HSPA12A: variants seen among roughly 807,000 people sequenced by gnomAD.
The protein encoded by HSPA12A is heat shock protein family A (Hsp70) member 12A.
In HSPA12A, 28 loss-of-function variants were observed where a neutral mutation model predicts 69.2. That is an observed-to-expected ratio of 0.40 (90% CI 0.30 to 0.55). HSPA12A has a LOEUF of 0.55. Ranked by LOEUF, HSPA12A falls within the 20% of genes least tolerant of loss-of-function variation. HSPA12A has a pLI of 0.38. For missense variants in HSPA12A, 686 were observed against 900.7 expected, an observed-to-expected ratio of 0.76 and a Z score of 3.05; for synonymous variants, 345 against 370.5, an observed-to-expected ratio of 0.93 and a Z score of 0.79.
At chr10:116,850,662 T>C (rs1290731131), upstream of HSPA12A, among the ~76,000 whole-genome samples, 1 of 151,994 alleles carries the variant, frequency 6.6e-6, no homozygotes, top group Non-Finnish European at 1.5e-5. Context: ...GCAGTTGATA[T>C]AAAGGATGTT....
chr10:116,849,900 C>T (rs1467260988), upstream of HSPA12A: 2 of 807,978 alleles, frequency 2.5e-6, no homozygotes, highest in Non-Finnish European at 4.1e-6. Context: ...GCGGGAAGGA[C>T]ACCCAGGGGT....
intron 4 of HSPA12A, 39 bp downstream of exon 4, chr10:116,700,904 A>G: frequency 6.3e-7 from 1 of 1,599,680 alleles, no homozygotes; most frequent in Non-Finnish European, 8.5e-7. Context: ...TTGGCACTCC[A>G]TTGCGGGGGA....
chr10:116,733,566 C>T (rs1409709812), intron 1 of HSPA12A, among the ~76,000 whole-genome samples: 2 of 152,094 alleles, frequency 1.3e-5, no homozygotes, highest in East Asian at 1.9e-4. Flanking sequence ...CTAAGTGGGT[C>T]GATGAAACAG....
intron 2 of HSPA12A, among the ~76,000 whole-genome samples, chr10:116,814,765 C>A (rs546736494): frequency 1.3e-5 from 2 of 152,292 alleles, no homozygotes; most frequent in African/African-American, 4.8e-5. Flanking sequence ...CGGACCATTG[C>A]GAGATTGGGA....
exon 1 of HSPA12A, chr10:116,849,680 G>C: frequency 3.2e-6 from 5 of 1,549,396 alleles, no homozygotes; most frequent in Non-Finnish European, 3.5e-6. Context: ...GGCTGGAAGA[G>C]CTGCTCAACT....
chr10:116,687,136 G>T (rs374387701), intron 6 of HSPA12A, among the ~76,000 whole-genome samples: 142 of 152,296 alleles, frequency 9.3e-4, no homozygotes, highest in African/African-American at 2.5e-3. Context: ...CACTGAGGCT[G>T]CCCCAAGTCT....
chr10:116,679,882 A>T (rs1163145483), intron 9 of HSPA12A, 121 bp from the exon 10 acceptor site: 2 of 982,314 alleles, frequency 2.0e-6, no homozygotes, highest in Admixed American at 2.4e-5. Context: ...CGGCAGCTAT[A>T]AGTGTTTACT....
intron 2 of HSPA12A, among the ~76,000 whole-genome samples, chr10:116,796,183 T>TTAAA (rs1844824035): frequency 7.3e-6 from 1 of 137,672 alleles, no homozygotes; most frequent in African/African-American, 2.9e-5. Context: ...AAGAAGAAAA[T>TTAAA]TAAATAAGTT....
At chr10:116,756,731 G>A (rs1283662683) in intron 2 of HSPA12A, among the ~76,000 whole-genome samples, 2 of 152,206 alleles carry the variant, frequency 1.3e-5, no homozygotes, top group Non-Finnish European at 2.9e-5. Flanking sequence ...TCACTCATTT[G>A]TGCACTAAAA....
At chr10:116,677,908 C>T (rs2100100) in intron 10 of HSPA12A, among the ~76,000 whole-genome samples, 150,296 of 152,238 alleles carry the variant, frequency 0.99, 74,209 homozygotes, top group East Asian at 1. Context: ...CCTCAAATTC[C>T]TAATGATACT....
chr10:116,761,384 G>C (rs1843968687), intron 2 of HSPA12A, among the ~76,000 whole-genome samples: 2 of 151,800 alleles, frequency 1.3e-5, no homozygotes, highest in Admixed American at 1.3e-4. Flanking sequence ...TACTTGGGAG[G>C]CTAAGGTAGA....
At chr10:116,850,091 C>T (rs1246768130), upstream of HSPA12A, 2 of 405,290 alleles carry the variant, frequency 4.9e-6, no homozygotes, top group Non-Finnish European at 9.3e-6. Context: ...TAACACATAC[C>T]TTAATGCCCT....
intron 1 of HSPA12A, 82 bp from the exon 2 acceptor site, chr10:116,707,367 C>T (rs370550172): frequency 9.1e-7 from 1 of 1,094,860 alleles, no homozygotes; most frequent in Non-Finnish European, 1.4e-6. Context: ...ATGGCCTTAA[C>T]TCCTCCAGGA....
intron 1 of HSPA12A, among the ~76,000 whole-genome samples, chr10:116,729,529 C>G (rs1363010179): frequency 1.3e-5 from 2 of 152,154 alleles, no homozygotes; most frequent in African/African-American, 4.8e-5. Flanking sequence ...CAAAACTTAA[C>G]TACAAATAGC....
intron 3 of HSPA12A, 30 bp from the exon 4 acceptor site, chr10:116,701,159 G>A: frequency 6.2e-7 from 1 of 1,603,690 alleles, no homozygotes; most frequent in Non-Finnish European, 8.5e-7. Flanking sequence ...AAGTTATGGG[G>A]CCTTCTTTCA....
chr10:116,814,794 A>C (rs947335898), intron 2 of HSPA12A, among the ~76,000 whole-genome samples: 1 of 152,014 alleles, frequency 6.6e-6, no homozygotes, highest in Non-Finnish European at 1.5e-5. Context: ...CACCACCATC[A>C]CCTTGCTGGG....
chr10:116,696,203 T>C (rs1849898242), intron 5 of HSPA12A, among the ~76,000 whole-genome samples: 1 of 152,040 alleles, frequency 6.6e-6, no homozygotes, highest in Admixed American at 6.5e-5. Flanking sequence ...TTTCTGTTTT[T>C]CATAAATTCC....
chr10:116,849,080 T>C (rs542763740), intron 1 of HSPA12A, among the ~76,000 whole-genome samples: 109 of 151,850 alleles, frequency 7.2e-4, no homozygotes, highest in Admixed American at 8.5e-4. Context: ...AGAGTGGGCC[T>C]GCCTGGCACG....
chr10:116,747,292 T>C (rs781921644), upstream of HSPA12A, among the ~76,000 whole-genome samples: 36 of 152,226 alleles, frequency 2.4e-4, no homozygotes, highest in Non-Finnish European at 4.4e-4. Context: ...AGGACTGCAA[T>C]GTAAACTTTA....
Sources: gnomAD v4.1 joint callset for allele counts (sites outside exome capture counted in the v4.1 genomes callset) on GRCh38, gnomAD v4.1.1 for gene constraint, MANE v1.5 for transcripts, NCBI Gene and HGNC (gene_info 2026-07-23, HGNC 2026-07-21) for gene names.